Variants in DGKZ observed in about 807,000 individuals in gnomAD.
The protein encoded by DGKZ is diacylglycerol kinase zeta.
DGKZ carries 45 observed loss-of-function variants against 142.5 expected under a neutral mutation model. The ratio of observed to expected loss-of-function variants is 0.32; its 90% confidence interval spans 0.25 to 0.40. The LOEUF (loss-of-function observed/expected upper bound fraction) is 0.40, where lower values mean the gene tolerates loss of function less well. Ranked by LOEUF, DGKZ falls within the 10% of genes least tolerant of loss-of-function variation. The probability of loss-of-function intolerance (pLI) is 1.00; values close to 1 mark genes in which losing one functional copy is unlikely to be tolerated. For synonymous variants in DGKZ, 442 were observed against 527.0 expected (o/e 0.84, Z 2.21); for missense variants, 755 against 1,306.5 (o/e 0.58, Z 6.51).
At chr11:46,375,004 G>A (rs1944379074) in exon 19 of DGKZ, 3 of 1,611,328 alleles carry the variant, frequency 1.9e-6, no homozygotes, top group Non-Finnish European at 2.5e-6. Context: ...GCGGCATGAC[G>A]ACGGCTACCT....
intron 1 of DGKZ, chr11:46,365,960 G>A (rs545071754): frequency 1.0e-6 from 1 of 985,330 alleles, no homozygotes; most frequent in East Asian, 1.1e-4. Context: ...CACCTCCCTG[G>A]GACTCCAGGG....
At chr11:46,345,585 A>G (rs1276853738), upstream of DGKZ, 1 of 1,521,622 alleles carries the variant, frequency 6.6e-7, no homozygotes, top group Non-Finnish European at 8.8e-7. This position sits in a 1 kb window ranked among gnomAD's most constrained non-coding sequence, Gnocchi z 4.1. Flanking sequence ...CCCCAGACAC[A>G]GTAGGTACAA....
intron 1 of DGKZ, among the ~76,000 whole-genome samples, chr11:46,336,118 G>C (rs952082370): frequency 6.6e-6 from 1 of 152,228 alleles, no homozygotes; most frequent in African/African-American, 2.4e-5. Flanking sequence ...AAGCGGAAGC[G>C]GGCTGAAGGC....
At chr11:46,375,191 A>G (rs1302492548) in intron 19 of DGKZ, 146 bp downstream of exon 19, 1 of 857,874 alleles carries the variant, frequency 1.2e-6, no homozygotes, top group Non-Finnish European at 1.7e-6. Flanking sequence ...AGCGGCACCT[A>G]CCCCCTCTCC....
chr11:46,354,868 A>G (rs570322739), intron 1 of DGKZ, among the ~76,000 whole-genome samples: 1 of 152,324 alleles, frequency 6.6e-6, no homozygotes, highest in East Asian at 1.9e-4. Flanking sequence ...CTAAACATGA[A>G]TTCTCACGGA....
rs750979903 is a variant in DGKZ at position 46,374,876 on chromosome 11, C to T, written c.1598+37C>T. The T allele has an allele frequency of 2.5e-6, 4 of 1,583,070 alleles. No individual in the cohort carries two copies. The South Asian group carries it at 3.5e-5, about 14-fold the overall frequency. ...GCTACCGGAGCTGGGGGGAGCCCTG[C>T]TGTCCTTGTCCTGCAGAGACTGTGT... On this transcript the variant is annotated intron_variant, in intron 18 of 30. Transcript: ENST00000527911.
upstream of DGKZ, among the ~76,000 whole-genome samples, chr11:46,346,385 TCCCTTCGTCAG>T (rs3840761): frequency 0.15 from 23,198 of 152,058 alleles, 1,813 homozygotes; most frequent in Middle Eastern, 0.17. Context: ...GCTCCTGGCC[TCCCTTCGTCAG>T]CCCTGCGGGG....
At chr11:46,337,595 C>A (rs1450534545) in intron 1 of DGKZ, among the ~76,000 whole-genome samples, 1 of 152,040 alleles carries the variant, frequency 6.6e-6, no homozygotes, top group Non-Finnish European at 1.5e-5. Flanking sequence ...CGCGCCCAGC[C>A]TTAAAATGGA....
At position 46,347,833 on chromosome 11, in the gene DGKZ, GCGGCGGGGCAGGCACCGAGGCAC is replaced by G; in HGVS notation, c.161+18_161+40del. 2 of 1,276,250 alleles carry G rather than the reference GCGGCGGGGCAGGCACCGAGGCAC, an allele frequency of 1.6e-6. No homozygotes were observed. Among genetic ancestry groups the G allele is most frequent in the Non-Finnish European group, 2.0e-6 (2 of 1,009,244 alleles). 79.1% of individuals were successfully genotyped at this position (1,276,250 alleles called of 1,614,324 possible). A position where few individuals can be genotyped will look rare whatever the true frequency, so the allele number is the denominator to read the frequency against. On this transcript the variant is annotated intron_variant, in intron 1 of 30. Coordinates refer to ENST00000527911, the Ensembl canonical transcript of DGKZ. This position sits in a 1 kb window ranked among gnomAD's most constrained non-coding sequence, Gnocchi z 6.4. ...TCTTCGGGCACAGGTGAGCGGGGCG[GCGGCGGGGCAGGCACCGAGGCAC>G]CGGCAGGTTACCGCTCCCTCACCGG...
Position 46,371,619 on chromosome 11 carries a change from A to G in DGKZ, c.759+16A>G, listed in dbSNP as rs761035071. 5.0e-6 allele frequency: 8 copies of G among 1,612,930 alleles called. No individual in the cohort carries two copies. The Admixed American group carries it at 1.3e-4, about 27-fold the overall frequency. ...GAGGCCCCAGGTGAGTACTGCCTGC[A>G]CCCTTGATGCCCCGTACGCACTTGG... On this transcript the variant is annotated intron_variant, in intron 8 of 30. Coordinates refer to ENST00000527911, the Ensembl canonical transcript of DGKZ.
intron 4 of DGKZ, chr11:46,368,516 A>G (rs901089007): frequency 8.7e-6 from 3 of 343,444 alleles, no homozygotes; most frequent in African/African-American, 6.5e-5. Flanking sequence ...CTGTGCTTCT[A>G]GAGGTGGAGG....
rs753973829 is a variant in DGKZ, at chr11:46,366,861, G to A, written c.162-430G>A. On this transcript the variant is annotated intron_variant, in intron 1 of 30. Transcript: ENST00000527911. ...GGCCAGCACCCTGGCCCTGGGGGCC[G>A]AAGAGCCTCAGGCACCACCGCCGGC... The A allele has an allele frequency of 1.6e-5, 25 of 1,546,920 alleles. No homozygotes were observed. The South Asian group carries it at 2.0e-4, about 12-fold the overall frequency.
chr11:46,360,936 G>A (rs548257596), intron 1 of DGKZ, among the ~76,000 whole-genome samples: 31 of 152,276 alleles, frequency 2.0e-4, no homozygotes, highest in African/African-American at 6.7e-4. Flanking sequence ...TCTTCTGGGC[G>A]TTCCTTAGCT....
chr11:46,365,478 A>AT (rs1943143938), intron 1 of DGKZ: 11 of 985,368 alleles, frequency 1.1e-5, no homozygotes, highest in Non-Finnish European at 1.3e-5. Context: ...GCCCAAGCCT[A>AT]TTGTCACGGC....
chr11:46,380,147 G>C (rs942879608), exon 31 of DGKZ: 1 of 561,302 alleles, frequency 1.8e-6, no homozygotes, highest in African/African-American at 1.9e-5. Context: ...TTCCCCTGAG[G>C]ACCCCGCCGG....
chr11:46,347,589 T>C lies in DGKZ; in HGVS notation c.-71T>C. ...GGTGGCGGGCGGCGCGGAGCGGGCGTGCTGAGCCCCGGCCGCCGGCCCGGC... is the reference window on the plus strand; with the variant it reads ...GGTGGCGGGCGGCGCGGAGCGGGCGCGCTGAGCCCCGGCCGCCGGCCCGGC... On this transcript the variant is annotated 5_prime_UTR_variant, in exon 1 of 31. Transcript: ENST00000527911. The surrounding 1 kb of genome is among the most constrained non-coding windows in gnomAD (Gnocchi z 6.4). 1 of 1,144,764 alleles carries C rather than the reference T, an allele frequency of 8.7e-7. No homozygotes were observed. 70.9% of individuals were successfully genotyped at this position (1,144,764 alleles called of 1,614,324 possible).
chr11:46,355,525 A>G (rs989016171), intron 1 of DGKZ, among the ~76,000 whole-genome samples: 10 of 152,206 alleles, frequency 6.6e-5, no homozygotes, highest in African/African-American at 2.4e-4. Context: ...AGCCCTATTT[A>G]TCAGATCAGG....
rs1346779383 is a variant in DGKZ, at chr11:46,372,908, G to T, written c.1185+24G>T. 1.3e-6 allele frequency: 2 copies of T among 1,560,306 alleles called. No individual in the cohort carries two copies. The highest frequency in any genetic ancestry group is 1.7e-6 in the Non-Finnish European group (2 of 1,152,248). ...GGGTAAGCACCCATAGGAGGGGGGT[G>T]CAGCTGGGGCCTCTCCAGCCACAGA... On this transcript the variant is annotated intron_variant, in intron 13 of 30. Coordinates refer to ENST00000527911, the Ensembl canonical transcript of DGKZ. This position sits in a 1 kb window ranked among gnomAD's most constrained non-coding sequence, Gnocchi z 5.9.
chr11:46,379,586 A>G lies in DGKZ; in HGVS notation c.2688+18A>G. Reference sequence around the variant, plus strand: ...ACCAGCAGGTGAGCAGACGGCAGGCAGGGAGCCCACGAGGGCACCAACCAA... The same window carrying G: ...ACCAGCAGGTGAGCAGACGGCAGGCGGGGAGCCCACGAGGGCACCAACCAA... On this transcript the variant is annotated intron_variant, in intron 30 of 30. Coordinates refer to ENST00000527911, the Ensembl canonical transcript of DGKZ. The G allele has an allele frequency of 1.3e-6, 2 of 1,594,304 alleles. No individual in the cohort carries two copies. The highest frequency in any genetic ancestry group is 2.2e-5 in the East Asian group (1 of 44,586).
Sources: gnomAD v4.1 joint callset for allele counts (sites outside exome capture counted in the v4.1 genomes callset) on GRCh38, gnomAD v4.1.1 for gene constraint, Gnocchi (gnomAD v3.1) non-coding constraint, MANE v1.5 for transcripts, NCBI Gene and HGNC (gene_info 2026-07-23, HGNC 2026-07-21) for gene names.